APBB2: variants seen among roughly 807,000 people sequenced by gnomAD.
APBB2 encodes amyloid beta precursor protein binding family B member 2, also known as Fe65-like 1.
APBB2 carries 38 observed loss-of-function variants against 82.5 expected under a neutral mutation model. The observed-to-expected ratio is 0.46, with a 90% confidence interval of 0.36 to 0.60. APBB2 has a LOEUF of 0.60. Ranked by LOEUF, APBB2 falls within the 20% of genes least tolerant of loss-of-function variation. The probability of loss-of-function intolerance (pLI) is 0.00; values close to 1 mark genes in which losing one functional copy is unlikely to be tolerated. For missense variants in APBB2, 772 were observed against 972.3 expected (o/e 0.79, Z 2.74); for synonymous variants, 341 against 368.2 (o/e 0.93, Z 0.85).
intron 12 of APBB2, among the ~76,000 whole-genome samples, chr4:40,862,513 C>A (rs1762990629): frequency 6.6e-6 from 1 of 152,196 alleles, no homozygotes; most frequent in South Asian, 2.1e-4. Context: ...AAGCAGCACC[C>A]AGGTTAGTGG....
At chr4:41,057,779 T>C (rs1222748541) in intron 4 of APBB2, among the ~76,000 whole-genome samples, 1 of 152,166 alleles carries the variant, frequency 6.6e-6, no homozygotes, top group Non-Finnish European at 1.5e-5. Context: ...CCATAAAAAG[T>C]TGCATGTGTT....
intron 12 of APBB2, among the ~76,000 whole-genome samples, chr4:40,842,037 C>A (rs780241630): frequency 1.6e-4 from 24 of 152,216 alleles, no homozygotes; most frequent in Non-Finnish European, 3.1e-4. Context: ...GGCACATAAC[C>A]TATTTCCATC....
At chr4:41,065,712 C>A (rs1579711162) in intron 3 of APBB2, 39 bp from the exon 4 acceptor site, 2 of 143,790 alleles carry the variant, frequency 1.4e-5, no homozygotes, top group South Asian at 2.2e-4. Context: ...AGAAACAAAA[C>A]AGAGACTTAG....
intron 6 of APBB2, among the ~76,000 whole-genome samples, chr4:40,999,956 G>A (rs1009229088): frequency 6.6e-6 from 1 of 151,924 alleles, no homozygotes; most frequent in East Asian, 1.9e-4. Flanking sequence ...CACTTTGAGA[G>A]GCCGTTGAGC....
intron 3 of APBB2, among the ~76,000 whole-genome samples, chr4:41,091,510 T>C (rs1741683820): frequency 6.6e-6 from 1 of 152,196 alleles, no homozygotes; most frequent in East Asian, 1.9e-4. Context: ...AACAAGACAC[T>C]GTGGCCTTTT....
At chr4:40,886,405 G>A (rs1463311289) in intron 12 of APBB2, among the ~76,000 whole-genome samples, 4 of 152,056 alleles carry the variant, frequency 2.6e-5, no homozygotes, top group Admixed American at 6.6e-5. Context: ...GCTTGAAACC[G>A]GGGGGCAAAG....
At chr4:41,051,681 A>G (rs1560620930) in intron 4 of APBB2, among the ~76,000 whole-genome samples, 1 of 152,208 alleles carries the variant, frequency 6.6e-6, no homozygotes, top group Non-Finnish European at 1.5e-5. Context: ...GAAGGCCTAC[A>G]GTCGATATTC....
intron 1 of APBB2, among the ~76,000 whole-genome samples, chr4:41,143,600 G>T (rs1488913828): frequency 1.3e-5 from 2 of 152,078 alleles, no homozygotes; most frequent in Non-Finnish European, 2.9e-5. Context: ...GCGAAACCCA[G>T]ATTTAATCTC....
intron 10 of APBB2, among the ~76,000 whole-genome samples, chr4:40,930,966 C>G (rs1211708556): frequency 6.6e-6 from 1 of 152,184 alleles, no homozygotes; most frequent in East Asian, 1.9e-4. Context: ...CCCAGATGGT[C>G]TCGATCTCTT....
Position 41,054,840 on chromosome 4 carries a change from T to C in APBB2, c.-51+10736A>G, listed in dbSNP as rs148505294. Among the ~76,000 whole-genome samples the C allele has an allele frequency of 9.9e-4, 150 of 152,034 alleles. 1 individual carries two copies. Among genetic ancestry groups the C allele is most frequent in the Admixed American group, 1.5e-3 (23 of 15,256 alleles). On this transcript the variant is annotated intron_variant, in intron 4 of 17. Transcript: ENST00000508593. ...AGCCATGGAAACCTTTAAGCTACCA[T>C]ACGGGGGAGAAGCCTCCTAAATGTG...
At chr4:40,816,359 G>T (rs2154292499) in intron 17 of APBB2, 100 bp from the exon 18 acceptor site, 1 of 1,223,446 alleles carries the variant, frequency 8.2e-7, no homozygotes. Flanking sequence ...ACTCCCAAAG[G>T]TTAACGACCT....
intron 1 of APBB2, among the ~76,000 whole-genome samples, chr4:41,167,181 A>G (rs978848991): frequency 6.6e-6 from 1 of 152,212 alleles, no homozygotes; most frequent in Non-Finnish European, 1.5e-5. Context: ...GCAGGCGCAC[A>G]GTTTCCAAGC....
chr4:40,987,507 T>C lies in APBB2; in HGVS notation c.835+26076A>G, dbSNP rs534692334. 2.5e-3 allele frequency among the ~76,000 whole-genome samples: 378 copies of C among 152,336 alleles called. 1 individual carries two copies. Among genetic ancestry groups the C allele is most frequent in the Non-Finnish European group, 3.9e-3 (265 of 68,028 alleles). On this transcript the variant is annotated intron_variant, in intron 6 of 17. Coordinates refer to ENST00000508593, the MANE Select transcript of APBB2 (RefSeq NM_004307.2). ...AAAGGATAAGATGGTCTATTTCATA[T>C]TTCATTTTTTTTTAGATTTGACCTT... is the stretch of plus-strand genomic sequence containing the variant.
chr4:40,973,469 G>T (rs114083445), intron 6 of APBB2, among the ~76,000 whole-genome samples: 1,615 of 152,264 alleles, frequency 0.011, 38 homozygotes, highest in African/African-American at 0.037. Flanking sequence ...TCTTAAGTGT[G>T]CTCTCACCCC....
At chr4:41,062,359 A>G (rs749675260) in intron 4 of APBB2, among the ~76,000 whole-genome samples, 56 of 145,748 alleles carry the variant, frequency 3.8e-4, no homozygotes, top group Non-Finnish European at 6.9e-4. Flanking sequence ...TTTTTTTTTT[A>G]GTAGAAATGG....
intron 6 of APBB2, among the ~76,000 whole-genome samples, chr4:40,946,254 A>AAC (rs1553875174): frequency 2.6e-4 from 30 of 114,610 alleles, no homozygotes; most frequent in South Asian, 8.9e-4. Context: ...AAAAAAAAAA[A>AAC]CATTCCCAAG....
intron 5 of APBB2, among the ~76,000 whole-genome samples, chr4:41,021,591 G>GT (rs1328054242): frequency 1.3e-5 from 2 of 152,154 alleles, no homozygotes; most frequent in East Asian, 3.9e-4. Context: ...CTAGCTAAAG[G>GT]TTTGTAAACT....
intron 13 of APBB2, among the ~76,000 whole-genome samples, chr4:40,829,189 T>A (rs1750989293): frequency 6.6e-6 from 1 of 152,126 alleles, no homozygotes. Flanking sequence ...GCCAAGAACA[T>A]CGAGCACCAC....
intron 12 of APBB2, among the ~76,000 whole-genome samples, chr4:40,834,475 C>T (rs986005871): frequency 3.9e-5 from 6 of 152,220 alleles, no homozygotes; most frequent in African/African-American, 1.4e-4. Context: ...CCAAGCATCA[C>T]TTGCCTGTGT....
Sources: allele counts gnomAD v4.1 joint callset (sites outside exome capture counted in the v4.1 genomes callset), GRCh38; gene constraint gnomAD v4.1.1; transcripts MANE v1.5; gene names NCBI Gene and HGNC (gene_info 2026-07-23, HGNC 2026-07-21).